The following VAV3 variants were observed in gnomAD, a reference collection of about 807,000 sequenced individuals.
VAV3 encodes vav guanine nucleotide exchange factor 3.
VAV3 carries 94 observed loss-of-function variants against 131.2 expected under a neutral mutation model. The observed-to-expected ratio is 0.72, with a 90% CI of 0.61 to 0.85. VAV3 has a LOEUF of 0.85. VAV3 is among the 40% of genes least tolerant of loss of function. The pLI is 0.00. For missense variants in VAV3, 939 were observed against 1,002.7 expected (o/e 0.94, Z 0.86); for synonymous variants, 349 against 342.0 (o/e 1.02, Z -0.22).
At chr1:107,625,130 T>C (rs1286598887) in intron 20 of VAV3, among the ~76,000 whole-genome samples, 1 of 152,154 alleles carries the variant, frequency 6.6e-6, no homozygotes, top group Non-Finnish European at 1.5e-5. Context: ...CCACCAATGT[T>C]CTTTGCTTAT....
intron 1 of VAV3, among the ~76,000 whole-genome samples, chr1:107,924,276 T>C (rs1673047264): frequency 6.6e-6 from 1 of 152,216 alleles, no homozygotes; most frequent in Admixed American, 6.5e-5. Flanking sequence ...TAAAACTAAA[T>C]GTCCATGCCT....
chr1:107,669,534 T>C, intron 19 of VAV3: 3 of 1,256,090 alleles, frequency 2.4e-6, no homozygotes, highest in Non-Finnish European at 3.1e-6. Context: ...TCACCATGGA[T>C]CCATTCCTAT....
chr1:107,757,279 C>T lies in VAV3; in HGVS notation c.1068G>A (p.Leu356=), dbSNP rs1365764267. The T allele has an allele frequency of 6.2e-7, 1 of 1,613,294 alleles. No homozygotes were observed. Among genetic ancestry groups the T allele is most frequent in the African/African-American group, 1.3e-5 (1 of 74,920 alleles). The part of the protein sequence containing the change: ...TDPTEKANLK[L]ALDAMKDLAQ... ...GCCCTACCTTCATGGCATCAAGAGCCAGTTTCAGATTTGCCTTCTCAGTCG... is the reference window on the plus strand; with the variant it reads ...GCCCTACCTTCATGGCATCAAGAGCTAGTTTCAGATTTGCCTTCTCAGTCG... Residue 356 remains leucine, a synonymous_variant, in exon 11 of 27, where the codon CTG becomes CTA. Coordinates refer to ENST00000370056, the MANE Select transcript of VAV3 (RefSeq NM_006113.5).
At chr1:107,906,245 C>CTTGTT (rs59790141) in intron 1 of VAV3, among the ~76,000 whole-genome samples, 5,894 of 152,066 alleles carry the variant, frequency 0.039, 353 homozygotes, top group African/African-American at 0.13. Flanking sequence ...TAAGCCAAGG[C>CTTGTT]TTGTTTTGTT....
rs554607699 is a variant in VAV3 at position 107,915,949 on chromosome 1, A to C, written c.205-40932T>G. 3.3e-5 allele frequency among the ~76,000 whole-genome samples: 5 copies of C among 150,560 alleles called. No homozygotes were observed. In the East Asian group the frequency reaches 5.8e-4, roughly 18 times the overall value. On this transcript the variant is annotated intron_variant, in intron 1 of 26. Transcript: ENST00000370056. Reference sequence around the variant, plus strand: ...AATAACAACACTGGAAAGCATCACAAAAAAAAAAGGAAGCACAGGGGATGT... The same window carrying C: ...AATAACAACACTGGAAAGCATCACACAAAAAAAAGGAAGCACAGGGGATGT...
chr1:107,574,990 T>C (rs866680008), intron 25 of VAV3, among the ~76,000 whole-genome samples: 80 of 35,092 alleles, frequency 2.3e-3, no homozygotes, highest in African/African-American at 4.6e-3. Context: ...TGTGTGTGTG[T>C]GTGCGTGCGT....
intron 2 of VAV3, among the ~76,000 whole-genome samples, chr1:107,842,457 T>C (rs1161992131): frequency 1.3e-5 from 2 of 152,300 alleles, no homozygotes; most frequent in South Asian, 2.1e-4. Context: ...CAGTGTATAG[T>C]TGGGCCTTTG....
chr1:107,806,467 A>G (rs12124614), intron 2 of VAV3, among the ~76,000 whole-genome samples: 94,243 of 151,772 alleles, frequency 0.62, 29,698 homozygotes, highest in African/African-American at 0.69. Context: ...TGTGGGGGCC[A>G]TTGAAGCCAG....
chr1:107,610,717 T>C (rs1178405503), intron 21 of VAV3, among the ~76,000 whole-genome samples: 1 of 152,100 alleles, frequency 6.6e-6, no homozygotes, highest in African/African-American at 2.4e-5. Flanking sequence ...AATGGTCAAA[T>C]AGAAAATGAA....
At chr1:107,579,673 ACTGCCTCACAGCAGCTCAC>A (rs1473309587) in intron 25 of VAV3, among the ~76,000 whole-genome samples, 2 of 152,144 alleles carry the variant, frequency 1.3e-5, no homozygotes, top group East Asian at 3.8e-4. Flanking sequence ...TGTTCTAAAT[ACTGCCTCACAGCAGCTCAC>A]CTTTGATGTA....
chr1:107,619,088 T>C (rs572710805), intron 20 of VAV3, among the ~76,000 whole-genome samples: 1 of 152,274 alleles, frequency 6.6e-6, no homozygotes, highest in East Asian at 1.9e-4. Context: ...GCCAGTGGAT[T>C]AGATATGGGA....
intron 2 of VAV3, among the ~76,000 whole-genome samples, chr1:107,818,978 C>T (rs1241710599): frequency 1.3e-5 from 2 of 152,074 alleles, no homozygotes; most frequent in Non-Finnish European, 2.9e-5. Flanking sequence ...ACAAGAATTG[C>T]TGAAAAGAAA....
chr1:107,790,065 G>A (rs1176720877), intron 2 of VAV3, among the ~76,000 whole-genome samples: 7 of 152,156 alleles, frequency 4.6e-5, no homozygotes, highest in Non-Finnish European at 8.8e-5. Context: ...GTAGCATAGC[G>A]TGACATGCCA....
chr1:107,730,165 C>T (rs946822567), intron 15 of VAV3, among the ~76,000 whole-genome samples: 3 of 152,132 alleles, frequency 2.0e-5, no homozygotes, highest in Admixed American at 1.3e-4. Context: ...ATTTGGTTCT[C>T]CCCAGGAAGG....
chr1:107,760,722 C>T, intron 10 of VAV3, 62 bp downstream of exon 10: 3 of 1,313,650 alleles, frequency 2.3e-6, no homozygotes, highest in Admixed American at 1.8e-5. Context: ...GTAGTTGATG[C>T]TTCATTAATA....
chr1:107,891,355 T>C lies in VAV3; in HGVS notation c.205-16338A>G, dbSNP rs75097907. 5.5e-3 allele frequency among the ~76,000 whole-genome samples: 844 copies of C among 152,230 alleles called. 10 individuals carry two copies. Among genetic ancestry groups the C allele is most frequent in the African/African-American group, 0.02 (811 of 41,546 alleles). ...TCAGAAAATCTACCAAATTCTATAC[T>C]AACAGAATTCAGGTTTTTGGTCATT... On this transcript the variant is annotated intron_variant, in intron 1 of 26. Transcript: ENST00000370056.
At chr1:107,840,000 T>A (rs1668626943) in intron 2 of VAV3, among the ~76,000 whole-genome samples, 1 of 152,132 alleles carries the variant, frequency 6.6e-6, no homozygotes, top group Non-Finnish European at 1.5e-5. Context: ...CTGTATCAGC[T>A]AAAGAAGTCG....
At chr1:107,682,758 T>C (rs1658736571) in intron 19 of VAV3, among the ~76,000 whole-genome samples, 1 of 152,364 alleles carries the variant, frequency 6.6e-6, no homozygotes, top group East Asian at 1.9e-4. Context: ...GCAAAGCTAC[T>C]CTATTTCTCA....
chr1:107,611,626 A>C (rs1406570288), intron 21 of VAV3, among the ~76,000 whole-genome samples: 1 of 151,962 alleles, frequency 6.6e-6, no homozygotes, highest in African/African-American at 2.4e-5. Flanking sequence ...ACAAACAAAA[A>C]AAAGGAGACA....
Sources: gnomAD v4.1 joint callset for allele counts (sites outside exome capture counted in the v4.1 genomes callset) on GRCh38, gnomAD v4.1.1 for gene constraint, MANE v1.5 for transcripts, NCBI Gene and HGNC (gene_info 2026-07-23, HGNC 2026-07-21) for gene names.